The following PPHLN1 variants were observed in gnomAD, a reference collection of about 807,000 sequenced individuals.
PPHLN1 encodes periphilin 1, also known as periphilin-1.
PPHLN1 carries 29 observed loss-of-function variants against 51.3 expected under a neutral mutation model. That is an observed-to-expected ratio of 0.57 (90% CI 0.42 to 0.77). The LOEUF (loss-of-function observed/expected upper bound fraction) is 0.77, where lower values mean the gene tolerates loss of function less well. PPHLN1 is among the 30% of genes least tolerant of loss of function. PPHLN1 has a pLI of 0.00. For missense variants in PPHLN1, 436 were observed against 438.4 expected (o/e 0.99, Z 0.05); for synonymous variants, 147 against 147.8 (o/e 0.99, Z 0.04).
intron 9 of PPHLN1, among the ~76,000 whole-genome samples, chr12:42,400,960 C>T (rs1259733636): frequency 1.3e-5 from 2 of 152,090 alleles, no homozygotes; most frequent in East Asian, 3.8e-4. Flanking sequence ...CCTGATTTCT[C>T]CATATTTTTT....
chr12:42,338,126 C>T (rs1049820317), intron 2 of PPHLN1, among the ~76,000 whole-genome samples: 6 of 152,100 alleles, frequency 3.9e-5, no homozygotes, highest in Admixed American at 3.3e-4. Context: ...AGGGTTTTGC[C>T]GTGTTGGCCA....
At chr12:42,400,775 T>TTTC (rs2078754290) in intron 9 of PPHLN1, among the ~76,000 whole-genome samples, 3 of 125,568 alleles carry the variant, frequency 2.4e-5, no homozygotes, top group Non-Finnish European at 5.2e-5. Flanking sequence ...CTCTCTCTCT[T>TTTC]TCTCTCTCTC....
chr12:42,424,992 T>A (rs956891479), intron 9 of PPHLN1, among the ~76,000 whole-genome samples: 13 of 152,130 alleles, frequency 8.5e-5, no homozygotes, highest in Non-Finnish European at 1.0e-4. Flanking sequence ...TAAAATCAGC[T>A]TTCCAATATA....
chr12:42,414,610 A>G (rs1420516810), intron 9 of PPHLN1, among the ~76,000 whole-genome samples: 1 of 152,132 alleles, frequency 6.6e-6, no homozygotes, highest in Non-Finnish European at 1.5e-5. Context: ...AGTGCTACTG[A>G]TTCATATACA....
downstream of PPHLN1, chr12:42,447,777 A>C (rs1290433303): frequency 6.6e-6 from 1 of 152,256 alleles, no homozygotes; most frequent in Non-Finnish European, 1.5e-5. Context: ...AGCAGTATGC[A>C]TAATTTTAAC....
intron 5 of PPHLN1, chr12:42,375,310 A>G (rs761514552): frequency 1.5e-4 from 44 of 302,410 alleles, no homozygotes; most frequent in Non-Finnish European, 2.0e-4. Context: ...TTCAGCATGT[A>G]AAAGGTTTTT....
At chr12:42,378,742 A>G (rs1054754347) in intron 5 of PPHLN1, among the ~76,000 whole-genome samples, 1 of 152,134 alleles carries the variant, frequency 6.6e-6, no homozygotes, top group Non-Finnish European at 1.5e-5. Flanking sequence ...ATACACACAC[A>G]TTTAATTAAA....
intron 8 of PPHLN1, among the ~76,000 whole-genome samples, chr12:42,395,875 A>G (rs2078154893): frequency 1.3e-5 from 2 of 152,218 alleles, no homozygotes; most frequent in South Asian, 4.1e-4. Context: ...TGCCCTCATT[A>G]TAGTTCTAAG....
chr12:42,413,534 G>A (rs1235668304), intron 9 of PPHLN1, among the ~76,000 whole-genome samples: 1 of 49,456 alleles, frequency 2.0e-5, no homozygotes, highest in Non-Finnish European at 6.6e-5. Flanking sequence ...ATATGTGTGT[G>A]TGTGTGTGTG....
intron 2 of PPHLN1, 72 bp downstream of exon 2, chr12:42,336,046 C>A: frequency 3.1e-6 from 3 of 967,974 alleles, no homozygotes; most frequent in South Asian, 2.5e-5. Context: ...CAAAGCTAGG[C>A]CTATTAACAA....
intron 9 of PPHLN1, among the ~76,000 whole-genome samples, chr12:42,431,300 C>T (rs1051991030): frequency 5.3e-5 from 8 of 152,160 alleles, no homozygotes; most frequent in African/African-American, 1.9e-4. Flanking sequence ...GAAGTGGTTG[C>T]ATATTAAAAA....
downstream of PPHLN1, chr12:42,445,220 G>T: frequency 1.5e-6 from 1 of 661,320 alleles, no homozygotes; most frequent in South Asian, 1.6e-5. Context: ...CAGACCTGCA[G>T]GTTATGATGT....
At chr12:42,425,246 A>ATTTTTTTTTTTTTTTTTTT (rs34484756) in intron 9 of PPHLN1, among the ~76,000 whole-genome samples, 2 of 124,830 alleles carry the variant, frequency 1.6e-5, no homozygotes, top group Non-Finnish European at 1.6e-5. Flanking sequence ...TGCCTGGCTA[A>ATTTTTTTTTTTTTTTTTTT]TTTTTTTTTT....
downstream of PPHLN1, chr12:42,446,760 C>CG: frequency 9.2e-7 from 1 of 1,089,942 alleles, no homozygotes; most frequent in South Asian, 2.2e-5. Flanking sequence ...ATTGGAAGGT[C>CG]GGGAGGTTTT....
chr12:42,354,454 C>T (rs1174144666), intron 3 of PPHLN1, among the ~76,000 whole-genome samples: 2 of 152,104 alleles, frequency 1.3e-5, no homozygotes, highest in Non-Finnish European at 1.5e-5. Context: ...AAGTGATACA[C>T]CCTCCTTGGC....
chr12:42,389,924 C>T (rs1468411025), intron 7 of PPHLN1, among the ~76,000 whole-genome samples: 1 of 152,152 alleles, frequency 6.6e-6, no homozygotes, highest in African/African-American at 2.4e-5. Context: ...CTCACTATAC[C>T]ATTCTTCTCA....
chr12:42,346,489 T>G (rs1257587319), intron 2 of PPHLN1, among the ~76,000 whole-genome samples: 1 of 152,206 alleles, frequency 6.6e-6, no homozygotes, highest in Non-Finnish European at 1.5e-5. Context: ...CATTTGTTCA[T>G]CCATAGGAAC....
At chr12:42,400,622 C>A (rs11831729) in intron 9 of PPHLN1, 30,163 of 152,068 alleles carry the variant, frequency 0.2, 3,378 homozygotes, top group African/African-American at 0.3. Flanking sequence ...TGATCCTCCT[C>A]TCTGAGCCTC....
intron 2 of PPHLN1, chr12:42,347,021 G>A (rs749166143): frequency 2.0e-5 from 3 of 152,208 alleles, no homozygotes; most frequent in Non-Finnish European, 4.4e-5. Flanking sequence ...AAGTATCTGC[G>A]ATTACAGGTG....
Sources: gnomAD v4.1 joint callset for allele counts (sites outside exome capture counted in the v4.1 genomes callset) on GRCh38, gnomAD v4.1.1 for gene constraint, MANE v1.5 for transcripts, NCBI Gene and HGNC (gene_info 2026-07-23, HGNC 2026-07-21) for gene names.